Variants in OLA1 observed in about 807,000 individuals in gnomAD.
OLA1 encodes the protein Obg like ATPase 1.
Under a neutral mutation model 48.4 loss-of-function variants are expected in OLA1, and 14 were observed. That is an observed-to-expected ratio of 0.29 (90% confidence interval 0.19 to 0.45). OLA1 has a LOEUF of 0.45. OLA1 is among the 20% of genes least tolerant of loss of function. The pLI is 1.00. For missense variants in OLA1, 325 were observed against 467.1 expected (o/e 0.70, Z 2.80); for synonymous variants, 127 against 150.4 (o/e 0.84, Z 1.14).
intron 4 of OLA1, among the ~76,000 whole-genome samples, chr2:174,187,228 T>C (rs530886705): frequency 1.3e-5 from 2 of 152,204 alleles, no homozygotes; most frequent in Non-Finnish European, 2.9e-5. Context: ...GCCAAGGTCA[T>C]CACTGATGAA....
intron 2 of OLA1, among the ~76,000 whole-genome samples, chr2:174,233,568 T>C (rs938550057): frequency 6.6e-6 from 1 of 152,038 alleles, no homozygotes; most frequent in African/African-American, 2.4e-5. Context: ...AGAGATGGGG[T>C]TTTGCCATGT....
In OLA1 at chr2:174,246,824, CCAAAG is replaced by C. The variant is rs775493199; in HGVS notation, c.1-14_1-10del. On this transcript the variant is annotated splice_polypyrimidine_tract_variant and intron_variant, in intron 1 of 10. Transcript: ENST00000284719. Reference sequence around the variant, plus strand: ...CCCTTTTTAGGGGGCATCTGAAATACCAAAGCAAACATATGAACAAAACTTTTTAC... The same window carrying C: ...CCCTTTTTAGGGGGCATCTGAAATACCAAACATATGAACAAAACTTTTTAC... 3 of 1,576,210 alleles carry C rather than the reference CCAAAG, an allele frequency of 1.9e-6. No individual in the cohort carries two copies. The highest frequency in any genetic ancestry group is 2.6e-6 in the Non-Finnish European group (3 of 1,148,302).
rs77478661 is a variant in OLA1 at position 174,200,543 on chromosome 2, T to C, written c.373+22490A>G. Reference sequence around the variant, plus strand: ...CAAGAAAGCTATCAAAGACCACTAATGTGGCATCAAAAGTGCTCAGGAACC... The same window carrying C: ...CAAGAAAGCTATCAAAGACCACTAACGTGGCATCAAAAGTGCTCAGGAACC... On this transcript the variant is annotated intron_variant, in intron 4 of 10. Transcript: ENST00000284719. Among the ~76,000 whole-genome samples the C allele has an allele frequency of 7.2e-3, 1,102 of 152,204 alleles. 13 individuals are homozygous for C. Among genetic ancestry groups the C allele is most frequent in the Non-Finnish European group, 0.011 (723 of 68,000 alleles).
intron 4 of OLA1, among the ~76,000 whole-genome samples, chr2:174,187,588 T>C (rs1036920939): frequency 8.5e-5 from 13 of 152,216 alleles, no homozygotes; most frequent in African/African-American, 2.2e-4. Context: ...CTGCAAGATT[T>C]TGTTATTCCT....
intron 4 of OLA1, among the ~76,000 whole-genome samples, chr2:174,180,755 C>A (rs1687514679): frequency 6.6e-6 from 1 of 152,122 alleles, no homozygotes; most frequent in Non-Finnish European, 1.5e-5. Flanking sequence ...TTGGTCCTGG[C>A]AGTCTGGGAA....
chr2:174,110,091 ATT>A lies in OLA1; in HGVS notation c.728+13087_728+13088del, dbSNP rs199583094. Among the ~76,000 whole-genome samples, 585 of 110,960 alleles carry A rather than the reference ATT, an allele frequency of 5.3e-3. 3 individuals are homozygous for A. The highest frequency in any genetic ancestry group is 0.016 in the African/African-American group (466 of 28,402). 72.8% of individuals were successfully genotyped at this position (110,960 alleles called of 152,430 possible). The stretch of plus-strand genomic sequence containing the variant: ...CTATCCCTGTGTTAGTTTGCTAAGG[ATT>A]TTTTTTTTTTTTTTTTTTTTGAGAC... On this transcript the variant is annotated intron_variant, in intron 7 of 10. Coordinates refer to ENST00000284719, the MANE Select transcript of OLA1 (RefSeq NM_013341.5).
At chr2:174,144,943 A>ATATATAT (rs1436750497) in intron 4 of OLA1, among the ~76,000 whole-genome samples, 55 of 69,806 alleles carry the variant, frequency 7.9e-4, no homozygotes, top group Non-Finnish European at 8.8e-4. Context: ...AAAAAAAAAA[A>ATATATAT]AAAAAAAAAT....
In OLA1 at chr2:174,123,069, A is replaced by G. The variant is rs1685953750; in HGVS notation, c.728+111T>C. 3 of 590,548 alleles carry G rather than the reference A, an allele frequency of 5.1e-6. No homozygotes were observed. The South Asian group carries it at 6.7e-5, about 13-fold the overall frequency. 36.6% of individuals were successfully genotyped at this position (590,548 alleles called of 1,614,324 possible). ...CTCATCCATTTTAAACTTTTTAATA[A>G]GGAGAAAAATATTAAAATTAAACAT... On this transcript the variant is annotated intron_variant, in intron 7 of 10. Coordinates refer to ENST00000284719, the MANE Select transcript of OLA1 (RefSeq NM_013341.5).
rs1431693667 is a variant in OLA1 at position 174,123,601 on chromosome 2, G to T, written c.624C>A (p.Asp208Glu). The stretch of plus-strand genomic sequence containing the variant: ...CATGATATTTACAACTTACCTCTTT[G>T]TCATTCCAATCATGATAGAAGCGAA... ...KPVRFYHDWN[D>E]KEIEVLNKHL... The change falls in exon 6 of 11, where the codon GAC (aspartate) becomes GAA (glutamate). Residue 208 changes from aspartate to glutamate, a missense_variant. Physicochemically the swap from Asp to Glu is conservative, Grantham distance 45 (BLOSUM62 2). Coordinates refer to ENST00000284719, the MANE Select transcript of OLA1 (RefSeq NM_013341.5). 3 of 1,581,284 alleles carry T rather than the reference G, an allele frequency of 1.9e-6. No homozygotes were observed. The highest frequency in any genetic ancestry group is 2.6e-6 in the Non-Finnish European group (3 of 1,163,990).
chr2:174,149,463 T>A (rs1343839300), intron 4 of OLA1, among the ~76,000 whole-genome samples: 1 of 152,128 alleles, frequency 6.6e-6, no homozygotes, highest in Non-Finnish European at 1.5e-5. Flanking sequence ...TCCAATATAC[T>A]CTGAGGCAGT....
At chr2:174,132,318 T>G (rs988558273) in intron 5 of OLA1, among the ~76,000 whole-genome samples, 1 of 152,082 alleles carries the variant, frequency 6.6e-6, no homozygotes, top group Non-Finnish European at 1.5e-5. Context: ...TTGATCCTTT[T>G]TATTACATGC....
chr2:174,222,676 T>C (rs1475959096), intron 4 of OLA1, among the ~76,000 whole-genome samples: 1 of 152,208 alleles, frequency 6.6e-6, no homozygotes, highest in African/African-American at 2.4e-5. Context: ...CTAACAATTC[T>C]GCCTCCTTAA....
intron 4 of OLA1, among the ~76,000 whole-genome samples, chr2:174,195,926 A>G (rs1260617030): frequency 1.3e-5 from 2 of 152,158 alleles, no homozygotes; most frequent in Admixed American, 6.5e-5. Context: ...ATAATTATCT[A>G]AAAATACTTG....
intron 2 of OLA1, 63 bp from the exon 3 acceptor site, chr2:174,229,514 C>A (rs1005698712): frequency 1.6e-6 from 2 of 1,224,058 alleles, no homozygotes; most frequent in Admixed American, 4.4e-5. Flanking sequence ...ATTTATCTCA[C>A]TCTAATTTCA....
At chr2:174,222,084 G>A (rs905947427) in intron 4 of OLA1, among the ~76,000 whole-genome samples, 1 of 152,118 alleles carries the variant, frequency 6.6e-6, no homozygotes, top group African/African-American at 2.4e-5. Context: ...AGTAATTGCA[G>A]TTTTGGGCAT....
At chr2:174,091,210 C>T (rs1211446210) in intron 7 of OLA1, among the ~76,000 whole-genome samples, 1 of 152,174 alleles carries the variant, frequency 6.6e-6, no homozygotes, top group Non-Finnish European at 1.5e-5. Context: ...TACTCATCTG[C>T]AAACTGGTCT....
intron 4 of OLA1, among the ~76,000 whole-genome samples, chr2:174,188,492 C>T (rs951815378): frequency 1.1e-4 from 16 of 152,174 alleles, no homozygotes; most frequent in Non-Finnish European, 1.6e-4. Context: ...ACAGCTGACA[C>T]GGGTATTCTG....
At chr2:174,178,392 A>G (rs1227471430) in intron 4 of OLA1, among the ~76,000 whole-genome samples, 1 of 152,046 alleles carries the variant, frequency 6.6e-6, no homozygotes, top group Non-Finnish European at 1.5e-5. Flanking sequence ...GTAAAACAAG[A>G]CAATTTTAGT....
chr2:174,167,458 C>T (rs1687193372), intron 4 of OLA1, among the ~76,000 whole-genome samples: 1 of 152,160 alleles, frequency 6.6e-6, no homozygotes. Flanking sequence ...TGCCTGTAAT[C>T]CCAGCTACTT....
Sources: allele counts gnomAD v4.1 joint callset (sites outside exome capture counted in the v4.1 genomes callset), GRCh38; gene constraint gnomAD v4.1.1; transcripts MANE v1.5; gene names NCBI Gene and HGNC (gene_info 2026-07-23, HGNC 2026-07-21).